SFXN5: variants seen among roughly 807,000 people sequenced by gnomAD.
SFXN5 encodes the protein sideroflexin 5, also known as sideroflexin-5.
Under a neutral mutation model 50.2 loss-of-function variants are expected in SFXN5, and 43 were observed. That is an observed-to-expected ratio of 0.86 (90% CI 0.67 to 1.11). SFXN5 has a LOEUF of 1.11. SFXN5 is among the 50% of genes least tolerant of loss of function. SFXN5 has a pLI of 0.00. For missense variants in SFXN5, 463 were observed against 454.1 expected (o/e 1.02, Z -0.18); for synonymous variants, 203 against 185.8 (o/e 1.09, Z -0.75).
At position 72,945,077 on chromosome 2, in the gene SFXN5, G is replaced by C. The variant is rs749662506; in HGVS notation, c.968C>G (p.Pro323Arg). Residue 323 changes from proline to arginine, a missense_variant, in exon 14 of 14, where the codon CCG becomes CGG. By Grantham distance (103) the Pro-to-Arg change is moderately radical. Coordinates refer to ENST00000272433, the MANE Select transcript of SFXN5 (RefSeq NM_144579.3). This position sits in a 1 kb window ranked among gnomAD's most constrained non-coding sequence, Gnocchi z 5.8. Reference sequence around the variant, plus strand: ...GCTGCTCGTGGCCTGGGCTATCTCCGGCTCTAATTGGGATGTTTCAATCTG... The same window carrying C: ...GCTGCTCGTGGCCTGGGCTATCTCCCGCTCTAATTGGGATGTTTCAATCTG... ...MSEIETSQLE[P>R]EIAQATSSRT... is the part of the protein sequence containing the mutation. The C allele has an allele frequency of 6.2e-7, 1 of 1,613,958 alleles. No homozygotes were observed. Among genetic ancestry groups the C allele is most frequent in the East Asian group, 2.2e-5 (1 of 44,878 alleles).
At chr2:73,022,461 G>T in intron 5 of SFXN5, 61 bp downstream of exon 5, 3 of 1,296,770 alleles carry the variant, frequency 2.3e-6, no homozygotes, top group Non-Finnish European at 3.4e-6. Flanking sequence ...GATGCTCCTG[G>T]AACTGTGACT....
In SFXN5 at chr2:72,943,560, G is replaced by T. The variant is rs1040075014; in HGVS notation, c.*1462C>A. On this transcript the variant is annotated 3_prime_UTR_variant, in exon 14 of 14. Coordinates refer to ENST00000272433, the MANE Select transcript of SFXN5 (RefSeq NM_144579.3). ...GTCTGCAAATGGGAGGGAGATGGGA[G>T]CCAGCAGCAAGGGGCCTCTGAGGCT... is the stretch of plus-strand genomic sequence containing the variant. The T allele has an allele frequency of 1.3e-5, 2 of 153,006 alleles. No individual in the cohort carries two copies. The highest frequency in any genetic ancestry group is 4.8e-5 in the African/African-American group (2 of 41,480). The allele number at this position is 153,006 out of a possible 1,614,324, so 9.5% of individuals were successfully genotyped here.
rs1047811736 is a variant in SFXN5 at position 72,961,055 on chromosome 2, C to T, written c.945+76G>A. The T allele has an allele frequency of 6.5e-6, 7 of 1,077,498 alleles. No individual in the cohort carries two copies. Among genetic ancestry groups the T allele is most frequent in the South Asian group, 1.8e-5 (1 of 56,788 alleles). The allele number at this position is 1,077,498 out of a possible 1,614,324, so 66.7% of individuals were successfully genotyped here. On this transcript the variant is annotated intron_variant, in intron 13 of 13. Transcript: ENST00000272433. This position sits in a 1 kb window ranked among gnomAD's most constrained non-coding sequence, Gnocchi z 4.4. ...CTAGCATGGCGCTAAGGAGTCGGCA[C>T]GGTATGAGTATTTGTTCAGAAATCA... is the stretch of plus-strand genomic sequence containing the variant.
chr2:73,020,992 A>G (rs1676813285), intron 5 of SFXN5, among the ~76,000 whole-genome samples: 1 of 152,230 alleles, frequency 6.6e-6, no homozygotes, highest in Non-Finnish European at 1.5e-5. Context: ...TCTGACTTGC[A>G]TCTAAAGTAA....
At chr2:73,006,168 C>T (rs982728098) in intron 6 of SFXN5, among the ~76,000 whole-genome samples, 2 of 152,024 alleles carry the variant, frequency 1.3e-5, no homozygotes, top group Non-Finnish European at 2.9e-5. Context: ...AGAAGACATC[C>T]CTGACAAATC....
At chr2:73,065,677 A>T (rs1683122085) in intron 1 of SFXN5, among the ~76,000 whole-genome samples, 1 of 152,184 alleles carries the variant, frequency 6.6e-6, no homozygotes, top group African/African-American at 2.4e-5. Context: ...GATTACAGGC[A>T]TGAGTCACTG....
rs1472609946 is a variant in SFXN5, at chr2:72,960,787, TC to T, written c.945+343del. Among the ~76,000 whole-genome samples, 3 of 151,336 alleles carry T rather than the reference TC, an allele frequency of 2.0e-5. No homozygotes were observed. Among genetic ancestry groups the T allele is most frequent in the Non-Finnish European group, 4.4e-5 (3 of 67,812 alleles). Reference sequence around the variant, plus strand: ...ACCAGGTGTCCGCGGACCTCACATCTCCCCCCGCCACCCCTTTTCATCTGGC... The same window carrying T: ...ACCAGGTGTCCGCGGACCTCACATCTCCCCCGCCACCCCTTTTCATCTGGC... On this transcript the variant is annotated intron_variant, in intron 13 of 13. Coordinates refer to ENST00000272433, the MANE Select transcript of SFXN5 (RefSeq NM_144579.3). This position sits in a 1 kb window ranked among gnomAD's most constrained non-coding sequence, Gnocchi z 6.1.
chr2:73,043,592 C>G lies in SFXN5; in HGVS notation c.172-2661G>C, dbSNP rs564229462. 1.6e-4 allele frequency among the ~76,000 whole-genome samples: 25 copies of G among 152,328 alleles called. No homozygotes were observed. The South Asian group carries it at 5.2e-3, about 32-fold the overall frequency. ...GGAATGGCCTGAAGGCTGAAAAGTA[C>G]TGTCCCTCCCCTTCCAAATATGGAA... On this transcript the variant is annotated intron_variant, in intron 2 of 13. Coordinates refer to ENST00000272433, the MANE Select transcript of SFXN5 (RefSeq NM_144579.3).
chr2:72,959,654 G>A (rs994435918), intron 13 of SFXN5, among the ~76,000 whole-genome samples: 1 of 151,952 alleles, frequency 6.6e-6, no homozygotes, highest in Non-Finnish European at 1.5e-5. Context: ...ACCTACTGAA[G>A]TGGGGAGGGG....
In SFXN5 at chr2:72,971,580, G is replaced by C; in HGVS notation, c.731C>G (p.Ala244Gly). 1 of 1,613,712 alleles carries C rather than the reference G, an allele frequency of 6.2e-7. No individual in the cohort carries two copies. The highest frequency in any genetic ancestry group is 8.5e-7 in the Non-Finnish European group (1 of 1,179,748). ...AACCCCCAGACCCACGTGTCGGGCT[G>C]CGATCTTGGAGGAGCCCACGAGGTT... ...DGNLVGSSKIAARHALLETAL... is the reference protein window; with the variant it reads ...DGNLVGSSKIGARHALLETAL... The change falls in exon 11 of 14, where the codon GCA becomes GGA. Residue 244 changes from alanine (A) to glycine (G), a missense_variant. Transcript: ENST00000272433.
At chr2:73,050,824 G>A (rs575541020) in intron 2 of SFXN5, among the ~76,000 whole-genome samples, 49 of 152,302 alleles carry the variant, frequency 3.2e-4, no homozygotes, top group Admixed American at 3.3e-4. Flanking sequence ...TACATGGCCA[G>A]GCTAAGAATT....
In SFXN5 at chr2:72,960,119, C is replaced by T. The variant is rs557932205; in HGVS notation, c.945+1012G>A. ...GGGTGGAGGCCTCACCCACCACCCT[C>T]GATTCCAGCACTGTTGTCATGCTGG... On this transcript the variant is annotated intron_variant, in intron 13 of 13. Coordinates refer to ENST00000272433, the MANE Select transcript of SFXN5 (RefSeq NM_144579.3). The surrounding 1 kb of genome is among the most constrained non-coding windows in gnomAD (Gnocchi z 6.1). Among the ~76,000 whole-genome samples the T allele has an allele frequency of 2.9e-4, 44 of 152,176 alleles. No individual in the cohort carries two copies. Among genetic ancestry groups the T allele is most frequent in the African/African-American group, 9.6e-4 (40 of 41,522 alleles).
intron 5 of SFXN5, among the ~76,000 whole-genome samples, chr2:73,020,993 T>C (rs928512432): frequency 6.6e-6 from 1 of 152,182 alleles, no homozygotes; most frequent in African/African-American, 2.4e-5. Flanking sequence ...CTGACTTGCA[T>C]CTAAAGTAAA....
chr2:72,947,171 C>G (rs937276886), intron 13 of SFXN5, among the ~76,000 whole-genome samples: 1 of 152,254 alleles, frequency 6.6e-6, no homozygotes, highest in South Asian at 2.1e-4. Flanking sequence ...CACAAGCTCC[C>G]TGAGGCAGCG....
rs566643018 is a variant in SFXN5, at chr2:72,973,977, A to T, written c.626-2292T>A. 6.6e-6 allele frequency among the ~76,000 whole-genome samples: 1 copy of T among 152,324 alleles called. No individual in the cohort carries two copies. The highest frequency in any genetic ancestry group is 1.9e-4 in the East Asian group (1 of 5,184). On this transcript the variant is annotated intron_variant, in intron 10 of 13. Coordinates refer to ENST00000272433, the MANE Select transcript of SFXN5 (RefSeq NM_144579.3). The surrounding 1 kb of genome is among the most constrained non-coding windows in gnomAD (Gnocchi z 5.5). ...CCGCCACTCCCAGAAAGGCAAAGTT[A>T]CAGGAATGTGGTCCAGGAGACGAGC...
intron 13 of SFXN5, among the ~76,000 whole-genome samples, chr2:72,946,073 C>A (rs1428771946): frequency 6.6e-6 from 1 of 151,910 alleles, no homozygotes. Flanking sequence ...CTCCTCCCAC[C>A]CCACAGCTGC....
intron 10 of SFXN5, among the ~76,000 whole-genome samples, chr2:72,976,168 C>A (rs1207175666): frequency 6.6e-6 from 1 of 152,116 alleles, no homozygotes; most frequent in Admixed American, 6.5e-5. Flanking sequence ...GAGTGGTCTG[C>A]TTGGGGAAAG....
chr2:73,058,672 C>T, intron 1 of SFXN5, 76 bp from the exon 2 acceptor site: 1 of 1,416,062 alleles, frequency 7.1e-7, no homozygotes, highest in Admixed American at 1.7e-5. Context: ...GAGAGCCCCA[C>T]CCTTTATGAT....
Position 72,945,180 on chromosome 2 carries a change from C to G in SFXN5, c.946-81G>C. On this transcript the variant is annotated intron_variant, in intron 13 of 13. Transcript: ENST00000272433. The surrounding 1 kb of genome is among the most constrained non-coding windows in gnomAD (Gnocchi z 5.8). Reference sequence around the variant, plus strand: ...GGCTGGGAGCTGCAGTGAGGACCACCCTGGGCCCCAGAGCTCTGCCCCCTG... The same window carrying G: ...GGCTGGGAGCTGCAGTGAGGACCACGCTGGGCCCCAGAGCTCTGCCCCCTG... 1 of 1,352,372 alleles carries G rather than the reference C, an allele frequency of 7.4e-7. No individual in the cohort carries two copies. Among genetic ancestry groups the G allele is most frequent in the Non-Finnish European group, 1.0e-6 (1 of 960,122 alleles). The allele number at this position is 1,352,372 out of a possible 1,614,324, so 83.8% of individuals were successfully genotyped here.
Sources: allele counts gnomAD v4.1 joint callset (sites outside exome capture counted in the v4.1 genomes callset), GRCh38; gene constraint gnomAD v4.1.1; non-coding constraint Gnocchi (gnomAD v3.1); transcripts MANE v1.5; gene names NCBI Gene and HGNC (gene_info 2026-07-23, HGNC 2026-07-21).